TUSC3: variants seen among roughly 807,000 people sequenced by gnomAD.
TUSC3 encodes the protein tumor suppressor candidate 3.
Under a neutral mutation model 44.8 loss-of-function variants are expected in TUSC3, and 45 were observed. The ratio of observed to expected loss-of-function variants is 1.00; its 90% CI spans 0.79 to 1.29. TUSC3 has a LOEUF of 1.29. TUSC3 is among the 50% of genes most tolerant of loss of function. The probability of loss-of-function intolerance (pLI) is 0.00; values close to 1 mark genes in which losing one functional copy is unlikely to be tolerated. For synonymous variants in TUSC3, 212 were observed against 152.9 expected (o/e 1.39, Z -2.85); for missense variants, 519 against 437.9 (o/e 1.19, Z -1.65).
rs558409837 is a variant in TUSC3 at position 15,511,802 on chromosome 8, C to T, written n.189+28319C>T. Reference sequence around the variant, plus strand: ...GGAAGAACTGATTGAACCTGGGAGGCGAACATTGCAGTGAGCCAAGATTGC... The same window carrying T: ...GGAAGAACTGATTGAACCTGGGAGGTGAACATTGCAGTGAGCCAAGATTGC... On this transcript the variant is annotated intron_variant and non_coding_transcript_variant, in intron 2 of 5. Coordinates refer to the TUSC3 transcript ENST00000503191. 4.0e-5 allele frequency among the ~76,000 whole-genome samples: 6 copies of T among 151,798 alleles called. 1 individual carries two copies. The South Asian group carries it at 1.0e-3, about 26-fold the overall frequency.
intron 1 of TUSC3, among the ~76,000 whole-genome samples, chr8:15,595,845 A>C (rs544901201): frequency 6.6e-6 from 1 of 152,310 alleles, no homozygotes; most frequent in South Asian, 2.1e-4. Context: ...TTTGTCTTAC[A>C]AGTTGTACTT....
intron 2 of TUSC3, among the ~76,000 whole-genome samples, chr8:15,512,864 ATGTGTGTG>A (rs1193295674): frequency 4.8e-5 from 4 of 82,832 alleles, no homozygotes; most frequent in African/African-American, 2.5e-4. Context: ...GTGTATATAT[ATGTGTGTG>A]TATATATATA....
At chr8:15,682,070 C>G (rs1016432853) in intron 6 of TUSC3, among the ~76,000 whole-genome samples, 16 of 152,058 alleles carry the variant, frequency 1.1e-4, no homozygotes, top group Non-Finnish European at 2.1e-4. Context: ...TTAAGATTTA[C>G]TTTGTGACCA....
chr8:15,499,337 T>C (rs2129126725), intron 2 of TUSC3, among the ~76,000 whole-genome samples: 1 of 152,348 alleles, frequency 6.6e-6, no homozygotes, highest in South Asian at 2.1e-4. Context: ...ATCAGTTTTG[T>C]CATATGTATA....
chr8:15,585,142 T>G (rs761358795), intron 1 of TUSC3, among the ~76,000 whole-genome samples: 35 of 151,666 alleles, frequency 2.3e-4, no homozygotes, highest in Non-Finnish European at 3.7e-4. Context: ...GGGGATAGAG[T>G]AAAAAATTCA....
At chr8:15,572,298 C>G (rs1295669674) in intron 1 of TUSC3, among the ~76,000 whole-genome samples, 3 of 152,134 alleles carry the variant, frequency 2.0e-5, no homozygotes, top group African/African-American at 7.2e-5. Flanking sequence ...GAAATGGCTT[C>G]TTTCTTTAAA....
intron 1 of TUSC3, among the ~76,000 whole-genome samples, chr8:15,579,152 T>G (rs149196507): frequency 6.7e-6 from 1 of 148,282 alleles, no homozygotes; most frequent in Non-Finnish European, 1.5e-5. Flanking sequence ...TCTGTGGGAT[T>G]GGTGGTGATA....
intron 2 of TUSC3, among the ~76,000 whole-genome samples, chr8:15,623,755 A>C (rs1326627625): frequency 6.6e-6 from 1 of 152,190 alleles, no homozygotes; most frequent in African/African-American, 2.4e-5. Context: ...CCAAAAGTAT[A>C]CAACAAACAC....
chr8:15,788,273 G>A, the TUSC3 span, among the ~76,000 whole-genome samples: 7 of 152,208 alleles, frequency 4.6e-5, no homozygotes, highest in African/African-American at 1.4e-4. Context: ...ACTTATTTAA[G>A]AGTTAAATTT....
intron 1 of TUSC3, among the ~76,000 whole-genome samples, chr8:15,569,910 A>AAAAG (rs1802808617): frequency 6.6e-6 from 1 of 152,074 alleles, no homozygotes. Flanking sequence ...TCTAATTTTT[A>AAAAG]AATTCAGCAT....
At chr8:15,699,668 G>T (rs535083945) in intron 6 of TUSC3, among the ~76,000 whole-genome samples, 1 of 152,302 alleles carries the variant, frequency 6.6e-6, no homozygotes, top group African/African-American at 2.4e-5. Flanking sequence ...TTTGAAAGAT[G>T]AGGAAGTTGT....
At chr8:15,660,557 C>T (rs1372713557) in intron 4 of TUSC3, among the ~76,000 whole-genome samples, 1 of 151,766 alleles carries the variant, frequency 6.6e-6, no homozygotes, top group Non-Finnish European at 1.5e-5. Flanking sequence ...TTTAAAAGTA[C>T]GTTCGTGCAG....
At chr8:15,779,871 A>C in the TUSC3 span, among the ~76,000 whole-genome samples, 1 of 152,192 alleles carries the variant, frequency 6.6e-6, no homozygotes, top group Non-Finnish European at 1.5e-5. Context: ...GAAACGCTAT[A>C]GTCTGTGTCA....
the TUSC3 span, among the ~76,000 whole-genome samples, chr8:15,815,463 A>G: frequency 1.3e-5 from 2 of 152,156 alleles, no homozygotes; most frequent in Non-Finnish European, 2.9e-5. Context: ...TGAATACAGG[A>G]GACTATTAGG....
intron 6 of TUSC3, among the ~76,000 whole-genome samples, chr8:15,725,208 A>G (rs924423163): frequency 5.9e-5 from 9 of 152,212 alleles, no homozygotes; most frequent in Non-Finnish European, 1.2e-4. Context: ...CAGTGAATAA[A>G]AGAGAAATAA....
intron 1 of TUSC3, among the ~76,000 whole-genome samples, chr8:15,433,915 A>G (rs775734589): frequency 1.3e-5 from 2 of 152,196 alleles, no homozygotes; most frequent in Non-Finnish European, 2.9e-5. Flanking sequence ...ACATAAAGCT[A>G]GGAATATTTT....
chr8:15,420,474 G>T (rs1020392743), intron 1 of TUSC3, among the ~76,000 whole-genome samples: 4 of 151,896 alleles, frequency 2.6e-5, no homozygotes, highest in Non-Finnish European at 4.4e-5. Flanking sequence ...CTCCAGCCTG[G>T]GTGACAGAGT....
the TUSC3 span, among the ~76,000 whole-genome samples, chr8:15,803,683 G>C: frequency 2.0e-5 from 3 of 152,096 alleles, no homozygotes; most frequent in African/African-American, 7.2e-5. Flanking sequence ...GCATGCATTA[G>C]GTATTTGTTC....
In TUSC3 at chr8:15,535,002, C is replaced by T. The variant is rs182958519; in HGVS notation, n.189+51519C>T. 6.0e-3 allele frequency among the ~76,000 whole-genome samples: 921 copies of T among 152,300 alleles called. 3 individuals are homozygous for T. Among genetic ancestry groups the T allele is most frequent in the Middle Eastern group, 0.02 (6 of 294 alleles). ...CAATTTTGTCTATTAAGCTAGGTTA[C>T]AGTTCATCCACAAGGACTCAAATAT... On this transcript the variant is annotated intron_variant and non_coding_transcript_variant, in intron 2 of 5. Transcript: ENST00000503191.
Sources: gnomAD v4.1 joint callset for allele counts (sites outside exome capture counted in the v4.1 genomes callset) on GRCh38, gnomAD v4.1.1 for gene constraint, MANE v1.5 for transcripts, NCBI Gene and HGNC (gene_info 2026-07-23, HGNC 2026-07-21) for gene names.